PPP1R12A: variants seen among roughly 807,000 people sequenced by gnomAD.
The protein encoded by PPP1R12A is protein phosphatase 1 regulatory subunit 12A, also known as myosin binding subunit.
In PPP1R12A, 19 loss-of-function variants were observed where a neutral mutation model predicts 139.6. That is an observed-to-expected ratio of 0.14 (90% CI 0.09 to 0.20). The LOEUF is 0.20. Among genes scored for constraint, PPP1R12A ranks in the 10% least tolerant of loss-of-function variants. PPP1R12A has a pLI of 1.00. For missense variants in PPP1R12A, 925 were observed against 1,211.5 expected (o/e 0.76, Z 3.51); for synonymous variants, 427 against 420.6 (o/e 1.02, Z -0.19).
chr12:79,814,976 TAGA>T (rs1209888527), intron 9 of PPP1R12A, among the ~76,000 whole-genome samples: 44 of 152,098 alleles, frequency 2.9e-4, no homozygotes, highest in Admixed American at 2.9e-3. Context: ...TATGCAAATT[TAGA>T]AGCAGATGTT....
intron 12 of PPP1R12A, chr12:79,806,994 A>C: frequency 9.7e-6 from 3 of 310,464 alleles, no homozygotes; most frequent in Non-Finnish European, 1.8e-5. Context: ...ATATGTAACA[A>C]TCCAAAAAAC....
chr12:79,876,610 G>A (rs1017981905), intron 1 of PPP1R12A, among the ~76,000 whole-genome samples: 1 of 152,028 alleles, frequency 6.6e-6, no homozygotes, highest in South Asian at 2.1e-4. Flanking sequence ...AGGATATCAC[G>A]CATTCTAGGG....
intron 1 of PPP1R12A, among the ~76,000 whole-genome samples, chr12:79,907,488 G>C (rs2137507034): frequency 6.6e-6 from 1 of 152,260 alleles, no homozygotes. Flanking sequence ...TATTTTCTTG[G>C]GAGGGAATGA....
intron 1 of PPP1R12A, among the ~76,000 whole-genome samples, chr12:79,930,990 G>A (rs1888211960): frequency 6.6e-6 from 1 of 152,150 alleles, no homozygotes; most frequent in Non-Finnish European, 1.5e-5. Flanking sequence ...GAACATCAAT[G>A]AGAAGAGTAG....
chr12:79,814,169 C>T (rs1233961189), intron 9 of PPP1R12A, among the ~76,000 whole-genome samples: 1 of 152,052 alleles, frequency 6.6e-6, no homozygotes, highest in Non-Finnish European at 1.5e-5. Context: ...AAAAGTCATA[C>T]AGTATTGATA....
intron 1 of PPP1R12A, among the ~76,000 whole-genome samples, chr12:79,881,694 T>C (rs1252380619): frequency 6.6e-6 from 1 of 152,228 alleles, no homozygotes; most frequent in Non-Finnish European, 1.5e-5. Context: ...AGCGTTTCAC[T>C]GTAGACACGG....
At chr12:79,899,882 CA>C (rs1172163646) in intron 1 of PPP1R12A, among the ~76,000 whole-genome samples, 1 of 152,164 alleles carries the variant, frequency 6.6e-6, no homozygotes, top group Admixed American at 6.5e-5. Flanking sequence ...ATGCTCATAT[CA>C]AAGGTTTTTT....
Position 79,881,912 on chromosome 12 carries a change from C to T in PPP1R12A, c.238-8974G>A, listed in dbSNP as rs545041466. Among the ~76,000 whole-genome samples, 4 of 152,278 alleles carry T rather than the reference C, an allele frequency of 2.6e-5. No homozygotes were observed. The East Asian group carries it at 5.8e-4, about 22-fold the overall frequency. On this transcript the variant is annotated intron_variant, in intron 1 of 24. Transcript: ENST00000450142. ...TTACACTAAATCTACTCTGCCAGTG[C>T]TCTATAAATGGAACAACAAAGCCTG... is the stretch of plus-strand genomic sequence containing the variant.
intron 3 of PPP1R12A, among the ~76,000 whole-genome samples, chr12:79,842,181 G>A (rs969176609): frequency 6.6e-6 from 1 of 152,084 alleles, no homozygotes; most frequent in Non-Finnish European, 1.5e-5. Flanking sequence ...TTAGCCAGGT[G>A]AGGTGGCATG....
chr12:79,821,682 G>A (rs1418224053), intron 6 of PPP1R12A, among the ~76,000 whole-genome samples: 1 of 151,962 alleles, frequency 6.6e-6, no homozygotes, highest in African/African-American at 2.4e-5. Flanking sequence ...AGACCCAGGA[G>A]GTGGAGGCTG....
chr12:79,833,929 A>AACAC (rs1165376429), intron 3 of PPP1R12A, among the ~76,000 whole-genome samples: 1 of 151,508 alleles, frequency 6.6e-6, no homozygotes, highest in East Asian at 1.9e-4. Flanking sequence ...ATAAAACAAG[A>AACAC]ACACACACAC....
At chr12:79,779,481 T>C in intron 23 of PPP1R12A, 1 of 708,890 alleles carries the variant, frequency 1.4e-6, no homozygotes, top group Non-Finnish European at 2.1e-6. Flanking sequence ...TTAATGTTTT[T>C]AGGGTATGTG....
intron 8 of PPP1R12A, chr12:79,819,612 T>G (rs1437383549): frequency 1.3e-5 from 2 of 152,156 alleles, no homozygotes; most frequent in African/African-American, 4.8e-5. Context: ...AGCTAAGTAA[T>G]GTCTCCCAGG....
At position 79,808,472 on chromosome 12, in the gene PPP1R12A, A is replaced by G; in HGVS notation, c.1550+11T>C. Reference sequence around the variant, plus strand: ...ATAGTGAATGCATAAAGCAAATCAAAATAAACTCACCTGTTTTCTTTCTCT... The same window carrying G: ...ATAGTGAATGCATAAAGCAAATCAAGATAAACTCACCTGTTTTCTTTCTCT... On this transcript the variant is annotated intron_variant, in intron 11 of 24. Transcript: ENST00000450142. 6.4e-7 allele frequency: 1 copy of G among 1,557,260 alleles called. No individual in the cohort carries two copies. The highest frequency in any genetic ancestry group is 1.7e-4 in the Middle Eastern group (1 of 5,928).
intron 24 of PPP1R12A, chr12:79,777,578 C>T (rs763320011): frequency 4.6e-4 from 452 of 985,132 alleles, no homozygotes; most frequent in Non-Finnish European, 5.3e-4. Flanking sequence ...CCACTCTTGT[C>T]AAGGCCCTAT....
At chr12:79,840,358 T>C (rs1467494691) in intron 3 of PPP1R12A, among the ~76,000 whole-genome samples, 1 of 152,192 alleles carries the variant, frequency 6.6e-6, no homozygotes, top group Non-Finnish European at 1.5e-5. Context: ...TAGCTTTTCG[T>C]CTCCAGGGTC....
intron 1 of PPP1R12A, among the ~76,000 whole-genome samples, chr12:79,914,275 G>A (rs80184318): frequency 0.015 from 2,242 of 151,988 alleles, 30 homozygotes; most frequent in Admixed American, 0.024. Flanking sequence ...GCATTCACAT[G>A]AAGTTGTAAG....
chr12:79,808,019 G>T (rs1012506817), intron 11 of PPP1R12A, among the ~76,000 whole-genome samples: 19 of 151,576 alleles, frequency 1.3e-4, no homozygotes, highest in Non-Finnish European at 2.5e-4. Context: ...GTGGGTGACA[G>T]AGCGAGACTC....
At chr12:79,849,512 T>C (rs1322305047) in intron 2 of PPP1R12A, among the ~76,000 whole-genome samples, 1 of 152,184 alleles carries the variant, frequency 6.6e-6, no homozygotes, top group East Asian at 1.9e-4. Context: ...ACATCTAGAT[T>C]TCCTTCAGAA....
Sources: allele counts gnomAD v4.1 joint callset (sites outside exome capture counted in the v4.1 genomes callset), GRCh38; gene constraint gnomAD v4.1.1; transcripts MANE v1.5; gene names NCBI Gene and HGNC (gene_info 2026-07-23, HGNC 2026-07-21).